The following AGBL1 variants were observed in gnomAD, a reference collection of about 807,000 sequenced individuals.
AGBL1 encodes AGBL carboxypeptidase 1.
Under a neutral mutation model 118.9 loss-of-function variants are expected in AGBL1, and 130 were observed. That is an observed-to-expected ratio of 1.09 (90% CI 0.95 to 1.26). AGBL1 has a LOEUF of 1.26. AGBL1 is among the 50% of genes most tolerant of loss of function. The probability of loss-of-function intolerance (pLI) is 0.00; values close to 1 mark genes in which losing one functional copy is unlikely to be tolerated. For synonymous variants in AGBL1, 555 were observed against 478.9 expected (o/e 1.16, Z -2.08); for missense variants, 1,584 against 1,298.1 (o/e 1.22, Z -3.38).
chr15:86,749,625 C>T (rs978458352), intron 22 of AGBL1, among the ~76,000 whole-genome samples: 1 of 152,162 alleles, frequency 6.6e-6, no homozygotes, highest in African/African-American at 2.4e-5. Flanking sequence ...TTTGCCCATT[C>T]AGTTTGATAT....
chr15:86,792,425 G>A (rs1408167782), intron 22 of AGBL1, among the ~76,000 whole-genome samples: 1 of 152,178 alleles, frequency 6.6e-6, no homozygotes, highest in African/African-American at 2.4e-5. Flanking sequence ...CAGCAAAGAT[G>A]TCAAGCAAGG....
chr15:86,561,955 T>G (rs1274865498), intron 21 of AGBL1, among the ~76,000 whole-genome samples: 2 of 152,276 alleles, frequency 1.3e-5, no homozygotes, highest in East Asian at 3.9e-4. Context: ...GCTCTCTGTT[T>G]GTCTGTTATT....
chr15:86,884,453 CTG>C (rs2079941233), intron 22 of AGBL1, among the ~76,000 whole-genome samples: 1 of 152,226 alleles, frequency 6.6e-6, no homozygotes, highest in African/African-American at 2.4e-5. Context: ...CCTCATGTAA[CTG>C]AAACCCTGGA....
At chr15:86,137,751 T>C (rs951520899) in intron 1 of AGBL1, among the ~76,000 whole-genome samples, 4 of 152,152 alleles carry the variant, frequency 2.6e-5, no homozygotes, top group Non-Finnish European at 5.9e-5. Flanking sequence ...GCCCATTCCC[T>C]GGGCAGGGGA....
At chr15:86,493,515 C>T (rs2082809553) in intron 18 of AGBL1, among the ~76,000 whole-genome samples, 1 of 152,012 alleles carries the variant, frequency 6.6e-6, no homozygotes, top group African/African-American at 2.4e-5. Flanking sequence ...AGAAGGACAA[C>T]CTTTTGTCAG....
chr15:86,619,407 A>G (rs575128349), intron 21 of AGBL1, among the ~76,000 whole-genome samples: 6 of 152,296 alleles, frequency 3.9e-5, no homozygotes, highest in Non-Finnish European at 7.4e-5. Context: ...TTAATGTCCT[A>G]AAACAAAATG....
intron 22 of AGBL1, among the ~76,000 whole-genome samples, chr15:86,743,698 A>C (rs1349308190): frequency 1.3e-5 from 2 of 152,154 alleles, no homozygotes; most frequent in East Asian, 3.9e-4. Context: ...AGAAGACCCC[A>C]AGGGGATTCT....
At chr15:86,414,486 C>G (rs190468979) in intron 18 of AGBL1, among the ~76,000 whole-genome samples, 1 of 152,218 alleles carries the variant, frequency 6.6e-6, no homozygotes, top group East Asian at 1.9e-4. Flanking sequence ...TATCTCCAGA[C>G]CAGCATTTTC....
intron 18 of AGBL1, among the ~76,000 whole-genome samples, chr15:86,406,160 G>C (rs2081526857): frequency 6.6e-6 from 1 of 152,206 alleles, no homozygotes; most frequent in Admixed American, 6.5e-5. Context: ...GATTGCAGCT[G>C]CTCTGGTCTT....
At chr15:86,622,645 T>C (rs1336032615) in intron 21 of AGBL1, among the ~76,000 whole-genome samples, 1 of 152,068 alleles carries the variant, frequency 6.6e-6, no homozygotes, top group African/African-American at 2.4e-5. Context: ...GGTCATCCCA[T>C]GCAAGGGACT....
intron 22 of AGBL1, among the ~76,000 whole-genome samples, chr15:86,834,678 G>C (rs944231126): frequency 2.0e-5 from 3 of 152,230 alleles, no homozygotes; most frequent in South Asian, 4.2e-4. Flanking sequence ...GTTTTGCCCA[G>C]TTACCACTAG....
At chr15:86,886,967 C>A (rs1172026763) in intron 22 of AGBL1, among the ~76,000 whole-genome samples, 2 of 152,092 alleles carry the variant, frequency 1.3e-5, no homozygotes, top group African/African-American at 2.4e-5. Flanking sequence ...TGACACAGAT[C>A]AAAGCTCTAT....
intron 15 of AGBL1, among the ~76,000 whole-genome samples, chr15:86,274,293 T>C (rs2079209758): frequency 6.6e-6 from 1 of 152,190 alleles, no homozygotes; most frequent in South Asian, 2.1e-4. Context: ...TTTGATTAAC[T>C]TTCTAGATCT....
chr15:86,436,545 T>C (rs569804255), intron 18 of AGBL1, among the ~76,000 whole-genome samples: 11 of 152,244 alleles, frequency 7.2e-5, no homozygotes, highest in African/African-American at 2.6e-4. Context: ...ATTTAATACA[T>C]AGTTAATGTG....
chr15:86,684,844 T>C (rs7180198), intron 22 of AGBL1, among the ~76,000 whole-genome samples: 85,110 of 151,958 alleles, frequency 0.56, 24,481 homozygotes, highest in Non-Finnish European at 0.63. Context: ...CTAACATCAG[T>C]AGTAGAGTTG....
chr15:86,555,188 A>G (rs919369390), intron 21 of AGBL1, among the ~76,000 whole-genome samples: 1 of 151,740 alleles, frequency 6.6e-6, no homozygotes, highest in African/African-American at 2.4e-5. Flanking sequence ...TGCTTTTCCC[A>G]CTCCCCCATA....
chr15:86,378,895 CTTTAG>C (rs1293694835), intron 17 of AGBL1, among the ~76,000 whole-genome samples: 1 of 146,324 alleles, frequency 6.8e-6, no homozygotes, highest in East Asian at 2.0e-4. Context: ...TAGTTGATCA[CTTTAG>C]TTTTTTTTTT....
chr15:86,537,966 T>G (rs540189861), intron 19 of AGBL1, among the ~76,000 whole-genome samples: 1 of 152,190 alleles, frequency 6.6e-6, no homozygotes, highest in African/African-American at 2.4e-5. Context: ...AGATTGTATG[T>G]TTTTGGGTTG....
chr15:86,107,843 C>T (rs1395785712), intron 1 of AGBL1, among the ~76,000 whole-genome samples: 2 of 152,144 alleles, frequency 1.3e-5, no homozygotes, highest in Non-Finnish European at 1.5e-5. Flanking sequence ...TGCTATTTTG[C>T]CCTCTCAGAG....
Sources: allele counts gnomAD v4.1 joint callset (sites outside exome capture counted in the v4.1 genomes callset), GRCh38; gene constraint gnomAD v4.1.1; transcripts MANE v1.5; gene names NCBI Gene and HGNC (gene_info 2026-07-23, HGNC 2026-07-21).